MAST4: variants seen among roughly 807,000 people sequenced by gnomAD.
MAST4 encodes microtubule-associated serine/threonine-protein kinase 4.
A neutral mutation model predicts 162.7 loss-of-function variants in MAST4; 89 were observed. That is an observed-to-expected ratio of 0.55 (90% CI 0.46 to 0.65). MAST4 has a LOEUF of 0.65. MAST4 is among the 30% of genes least tolerant of loss of function. The pLI, the probability that MAST4 is intolerant of heterozygous loss-of-function variation, is 0.00. For missense variants in MAST4, 3,153 were observed against 3,374.0 expected (o/e 0.93, Z 1.62); for synonymous variants, 1,479 against 1,361.1 (o/e 1.09, Z -1.91).
intron 3 of MAST4, among the ~76,000 whole-genome samples, chr5:66,877,426 C>A (rs1761377281): frequency 6.6e-6 from 1 of 152,122 alleles, no homozygotes; most frequent in African/African-American, 2.4e-5. Context: ...GAAACTGAAG[C>A]AGGGTGAAGT....
intron 1 of MAST4, among the ~76,000 whole-genome samples, chr5:66,631,943 C>G (rs1336920805): frequency 6.6e-6 from 1 of 152,198 alleles, no homozygotes; most frequent in Non-Finnish European, 1.5e-5. Flanking sequence ...GGCAGTCAGA[C>G]TTGAGACCCC....
At chr5:67,051,197 A>AAG (rs61317058) in intron 4 of MAST4, among the ~76,000 whole-genome samples, 13 of 150,600 alleles carry the variant, frequency 8.6e-5, no homozygotes, top group South Asian at 4.2e-4. Context: ...AAAAAAAAAA[A>AAG]CAAGGCAGAA....
intron 4 of MAST4, among the ~76,000 whole-genome samples, chr5:66,976,915 A>G (rs993322469): frequency 6.6e-6 from 1 of 152,182 alleles, no homozygotes; most frequent in African/African-American, 2.4e-5. Context: ...ACTTCTTTGC[A>G]TCTATAGTTT....
chr5:67,169,375 A>G lies in MAST4; in HGVS notation c.*2324A>G, dbSNP rs1225011712. The G allele has an allele frequency of 1.3e-5, 2 of 152,080 alleles. No homozygotes were observed. Among genetic ancestry groups the G allele is most frequent in the East Asian group, 1.9e-4 (1 of 5,188 alleles). The allele number at this position is 152,080 out of a possible 1,614,324, so 9.4% of individuals were successfully genotyped here. A position where few individuals can be genotyped will look rare whatever the true frequency, so the allele number is the denominator to read the frequency against. On this transcript the variant is annotated 3_prime_UTR_variant, in exon 29 of 29. Coordinates refer to ENST00000403625, the MANE Select transcript of MAST4 (RefSeq NM_001164664.2). ...GTAGAAATTCTCCTCATTGTGTTCT[A>G]TTTGGTCAGTCTCTGTGTGATTGTA...
intron 5 of MAST4, among the ~76,000 whole-genome samples, chr5:67,056,086 G>A (rs1327540873): frequency 2.7e-5 from 4 of 149,850 alleles, no homozygotes; most frequent in Non-Finnish European, 3.0e-5. Flanking sequence ...TATATTTTAT[G>A]TATTTTTATA....
intron 3 of MAST4, among the ~76,000 whole-genome samples, chr5:66,860,567 C>T (rs1760024788): frequency 6.6e-6 from 1 of 151,226 alleles, no homozygotes; most frequent in African/African-American, 2.4e-5. Context: ...CTTTCAGCTG[C>T]ATAAGATTAG....
At chr5:67,027,963 A>G (rs769198131) in intron 4 of MAST4, among the ~76,000 whole-genome samples, 16 of 152,198 alleles carry the variant, frequency 1.1e-4, no homozygotes, top group Non-Finnish European at 1.5e-4. Context: ...ATTGTGCTGG[A>G]GAGGCAGTGG....
At chr5:66,733,200 C>T (rs1751962047) in intron 1 of MAST4, among the ~76,000 whole-genome samples, 1 of 152,020 alleles carries the variant, frequency 6.6e-6, no homozygotes, top group Admixed American at 6.6e-5. Context: ...ACTAGACAAC[C>T]CCTTCAGTTG....
At chr5:67,021,947 A>G (rs540266007) in intron 4 of MAST4, among the ~76,000 whole-genome samples, 310 of 152,274 alleles carry the variant, frequency 2.0e-3, no homozygotes, top group African/African-American at 5.8e-3. Context: ...ATTACCCAAA[A>G]TTTTGTAAAG....
chr5:66,986,428 C>A, intron 4 of MAST4: 2 of 1,536,358 alleles, frequency 1.3e-6, no homozygotes, highest in East Asian at 2.4e-5. Context: ...CTGTCTTTTT[C>A]TCTGTTTATT....
At chr5:66,942,436 C>T (rs1371811975) in intron 4 of MAST4, among the ~76,000 whole-genome samples, 1 of 152,136 alleles carries the variant, frequency 6.6e-6, no homozygotes, top group Non-Finnish European at 1.5e-5. Context: ...TTCATGACCA[C>T]CTCCTTGGTC....
chr5:66,695,705 G>A (rs1749356728), intron 1 of MAST4, among the ~76,000 whole-genome samples: 1 of 152,142 alleles, frequency 6.6e-6, no homozygotes, highest in Admixed American at 6.6e-5. Flanking sequence ...AGAAACAACA[G>A]ATGCTGGCAA....
chr5:67,166,703 C>G lies in MAST4; in HGVS notation c.7524C>G (p.Ala2508=), dbSNP rs55665038. The change falls in exon 29 of 29, where the codon GCC becomes GCG. Residue 2508 remains alanine (A), a synonymous_variant. Transcript: ENST00000403625. ...GGGACCATAGGAAGGCTCAGCCTGC[C>G]GGGGAGGGCCGAACCCACATGACAA... ...SNRDHRKAQP[A]GEGRTHMTKS... 1.3e-6 allele frequency: 2 copies of G among 1,588,808 alleles called. No individual in the cohort carries two copies. The highest frequency in any genetic ancestry group is 8.6e-7 in the Non-Finnish European group (1 of 1,167,890).
intron 5 of MAST4, among the ~76,000 whole-genome samples, chr5:67,073,468 G>T (rs1186481460): frequency 1.3e-5 from 2 of 152,206 alleles, no homozygotes; most frequent in African/African-American, 4.8e-5. Flanking sequence ...CACGATATGG[G>T]AAATTCCTCT....
chr5:66,764,936 A>G (rs970237088), intron 2 of MAST4, among the ~76,000 whole-genome samples: 4 of 152,164 alleles, frequency 2.6e-5, no homozygotes, highest in Non-Finnish European at 4.4e-5. Context: ...AGCAACTTCT[A>G]TTCCTGCAGA....
intron 5 of MAST4, among the ~76,000 whole-genome samples, chr5:67,065,811 C>A (rs538097467): frequency 1.3e-5 from 2 of 152,246 alleles, no homozygotes; most frequent in East Asian, 3.9e-4. Flanking sequence ...CTGACTACAG[C>A]AATGTATGAG....
chr5:66,839,076 G>T (rs974686578), intron 3 of MAST4, among the ~76,000 whole-genome samples: 1 of 152,150 alleles, frequency 6.6e-6, no homozygotes, highest in South Asian at 2.1e-4. Context: ...ACAGTGAAAT[G>T]GAGAAAGGCA....
chr5:67,087,523 C>T (rs944065902), intron 5 of MAST4, among the ~76,000 whole-genome samples: 2 of 152,214 alleles, frequency 1.3e-5, no homozygotes, highest in Non-Finnish European at 2.9e-5. Flanking sequence ...TCTCGATTGC[C>T]TTGCCCTACT....
chr5:66,958,020 A>G (rs753292821), intron 4 of MAST4, among the ~76,000 whole-genome samples: 1 of 152,100 alleles, frequency 6.6e-6, no homozygotes, highest in Non-Finnish European at 1.5e-5. Flanking sequence ...CAGTTTCTTC[A>G]TCTGTAAAAA....
Sources: allele counts gnomAD v4.1 joint callset (sites outside exome capture counted in the v4.1 genomes callset), GRCh38; gene constraint gnomAD v4.1.1; transcripts MANE v1.5; gene names NCBI Gene and HGNC (gene_info 2026-07-23, HGNC 2026-07-21).